Variants in ZNF70 observed in about 807,000 individuals in gnomAD.
ZNF70 encodes the protein zinc finger protein N27C7-1.
Under a neutral mutation model 37.7 loss-of-function variants are expected in ZNF70, and 18 were observed. The ratio of observed to expected loss-of-function variants is 0.48; its 90% CI spans 0.33 to 0.71. ZNF70 has a LOEUF of 0.71. Among genes scored for constraint, ZNF70 ranks in the 30% least tolerant of loss-of-function variants. The pLI is 0.02. For synonymous variants in ZNF70, 219 were observed against 220.1 expected, an observed-to-expected ratio of 0.99 and a Z score of 0.05; for missense variants, 506 against 568.6, an observed-to-expected ratio of 0.89 and a Z score of 1.12.
chr22:23,749,645 A>G (rs1266833818), intron 1 of ZNF70, among the ~76,000 whole-genome samples: 1 of 151,810 alleles, frequency 6.6e-6, no homozygotes, highest in African/African-American at 2.4e-5. Context: ...TGTTGTGCAG[A>G]CTGGTCTCGA....
At chr22:23,745,765 T>C (rs1284943525) in intron 1 of ZNF70, among the ~76,000 whole-genome samples, 4 of 152,048 alleles carry the variant, frequency 2.6e-5, no homozygotes, top group Admixed American at 2.6e-4. Flanking sequence ...AGCGAGACTC[T>C]ATCTCAAACA....
chr22:23,744,361 G>A lies in ZNF70; in HGVS notation c.780C>T (p.Ser260=), dbSNP rs2145896063. 6.2e-7 allele frequency: 1 copy of A among 1,614,190 alleles called. No homozygotes were observed. Among genetic ancestry groups the A allele is most frequent in the African/African-American group, 1.3e-5 (1 of 75,042 alleles). ...RPYQCKECGK[S]FNQSSGLSQH... ...GGCTCAGGCCTGAGCTCTGGTTGAA[G>A]GATTTCCCACATTCCTTACACTGAT... is the stretch of plus-strand genomic sequence containing the variant. Residue 260 remains serine, a synonymous_variant, in exon 2 of 2, where the codon TCC becomes TCT. Transcript: ENST00000341976.
rs1266738987 is a variant in ZNF70, at chr22:23,743,931, A to G, written c.1210T>C (p.Ser404Pro). 6.2e-7 allele frequency: 1 copy of G among 1,613,202 alleles called. No homozygotes were observed. The highest frequency in any genetic ancestry group is 1.3e-5 in the African/African-American group (1 of 74,888). The change falls in exon 2 of 2, where the codon TCA (serine) becomes CCA (proline). Residue 404 changes from serine to proline, a missense_variant. By Grantham distance (74) the Ser-to-Pro change is moderately conservative. Transcript: ENST00000341976. ...GTTTTATAGTGCTCAATGAGGGCTG[A>G]CCGGTGCCGGAAGGCTTTGCCACAC... is the stretch of plus-strand genomic sequence containing the variant. ...CECGKAFRHR[S>P]ALIEHYKTHT... is the part of the protein sequence containing the mutation.
rs1394711868 is a variant in ZNF70 at position 23,739,041 on chromosome 22, C to G, written c.*4759G>C. On this transcript the variant is annotated 3_prime_UTR_variant, in exon 2 of 2. Coordinates refer to ENST00000341976, the MANE Select transcript of ZNF70 (RefSeq NM_021916.4). ...GCCATGGACCCCCAGATTAAGAACTCTAAAGTAAATGAAAGTCAGAGAAAA... is the reference window on the plus strand; with the variant it reads ...GCCATGGACCCCCAGATTAAGAACTGTAAAGTAAATGAAAGTCAGAGAAAA... 6.6e-6 allele frequency: 1 copy of G among 151,554 alleles called. No individual in the cohort carries two copies. The highest frequency in any genetic ancestry group is 1.5e-5 in the Non-Finnish European group (1 of 67,948). The allele number at this position is 151,554 out of a possible 1,614,324, so 9.4% of individuals were successfully genotyped here.
Position 23,744,874 on chromosome 22 carries a change from C to T in ZNF70, c.267G>A (p.Glu89=). ...TCTGGAGGAAGGTTTGTCCGAAGAGCTCATCATCCTGGGGTCTGGTTCCTG... is the reference window on the plus strand; with the variant it reads ...TCTGGAGGAAGGTTTGTCCGAAGAGTTCATCATCCTGGGGTCTGGTTCCTG... ...IPPGTRPQDD[E]LFGQTFLQKS... Residue 89 remains glutamate, a synonymous_variant, in exon 2 of 2, where the codon GAG becomes GAA. Transcript: ENST00000341976. 1.2e-6 allele frequency: 2 copies of T among 1,614,220 alleles called. No individual in the cohort carries two copies. Among genetic ancestry groups the T allele is most frequent in the Non-Finnish European group, 1.7e-6 (2 of 1,180,040 alleles).
chr22:23,749,155 G>A (rs1448175236), intron 1 of ZNF70, among the ~76,000 whole-genome samples: 1 of 151,510 alleles, frequency 6.6e-6, no homozygotes, highest in African/African-American at 2.4e-5. Context: ...GAGGTCAGGA[G>A]TTCAAGACCA....
rs768782783 is a variant in ZNF70, at chr22:23,744,999, A to G, written c.142T>C (p.Tyr48His). 4.3e-6 allele frequency: 7 copies of G among 1,614,050 alleles called. No homozygotes were observed. Among genetic ancestry groups the G allele is most frequent in the Non-Finnish European group, 5.9e-6 (7 of 1,180,048 alleles). The change falls in exon 2 of 2, where the codon TAC becomes CAC. Residue 48 changes from tyrosine (Y) to histidine (H), a missense_variant. Tyr to His is a moderately conservative substitution (Grantham distance 83). Transcript: ENST00000341976. ...TGCTCACCAAGAGGGATCTCCTTGT[A>G]GATCACAGCCATTTGCTCCAAACCT... ...ERGLEQMAVI[Y>H]KEIPLGEQDE...
At position 23,744,303 on chromosome 22, in the gene ZNF70, G is replaced by C; in HGVS notation, c.838C>G (p.His280Asp). The C allele has an allele frequency of 6.2e-7, 1 of 1,614,094 alleles. No individual in the cohort carries two copies. The highest frequency in any genetic ancestry group is 8.5e-7 in the Non-Finnish European group (1 of 1,180,004). The change falls in exon 2 of 2, where the codon CAC becomes GAC. Residue 280 changes from histidine (H) to aspartate (D), a missense_variant. Transcript: ENST00000341976. ...HRKIHTLKKP[H>D]ECDLCGKAFC... ...GCTTTCCCACAGAGATCGCACTCGT[G>C]AGGTTTCTTTAGGGTGTGGATCTTC...
At chr22:23,746,145 C>G (rs1394068689) in intron 1 of ZNF70, among the ~76,000 whole-genome samples, 1 of 152,026 alleles carries the variant, frequency 6.6e-6, no homozygotes, top group Non-Finnish European at 1.5e-5. Context: ...TGGTGCATGC[C>G]CTACACTAAC....
Position 23,738,904 on chromosome 22 carries a change from A to T in ZNF70, c.*4896T>A, listed in dbSNP as rs147186975. 6.6e-6 allele frequency: 1 copy of T among 152,224 alleles called. No individual in the cohort carries two copies. The highest frequency in any genetic ancestry group is 2.4e-5 in the African/African-American group (1 of 41,524). The allele number at this position is 152,224 out of a possible 1,614,324, so 9.4% of individuals were successfully genotyped here. A position where few individuals can be genotyped will look rare whatever the true frequency, so the allele number is the denominator to read the frequency against. Reference sequence around the variant, plus strand: ...CACAGAGGCATTTAAAAATATAGTAAATACTACAGATCCTTGTCCCAGCAA... The same window carrying T: ...CACAGAGGCATTTAAAAATATAGTATATACTACAGATCCTTGTCCCAGCAA... On this transcript the variant is annotated 3_prime_UTR_variant, in exon 2 of 2. Coordinates refer to ENST00000341976, the MANE Select transcript of ZNF70 (RefSeq NM_021916.4).
At position 23,742,977 on chromosome 22, in the gene ZNF70, G is replaced by A. The variant is rs1485393102; in HGVS notation, c.*823C>T. On this transcript the variant is annotated 3_prime_UTR_variant, in exon 2 of 2. Coordinates refer to ENST00000341976, the MANE Select transcript of ZNF70 (RefSeq NM_021916.4). Reference sequence around the variant, plus strand: ...CATTGCCAGAACAGACCAGACCCAGGCCCTGCTGATGTCCAAGGCACACTG... The same window carrying A: ...CATTGCCAGAACAGACCAGACCCAGACCCTGCTGATGTCCAAGGCACACTG... 1 of 152,430 alleles carries A rather than the reference G, an allele frequency of 6.6e-6. No homozygotes were observed. Among genetic ancestry groups the A allele is most frequent in the Non-Finnish European group, 1.5e-5 (1 of 68,198 alleles). 9.4% of individuals were successfully genotyped at this position (152,430 alleles called of 1,614,324 possible). A position where few individuals can be genotyped will look rare whatever the true frequency, so the allele number is the denominator to read the frequency against.
chr22:23,748,891 A>G (rs2145901253), intron 1 of ZNF70, among the ~76,000 whole-genome samples: 1 of 148,378 alleles, frequency 6.7e-6, no homozygotes, highest in African/African-American at 2.5e-5. Flanking sequence ...GACCGACTGG[A>G]TATAAAAAAA....
rs1049443775 is a variant in ZNF70 at position 23,743,659 on chromosome 22, G to A, written c.*141C>T. 5.2e-5 allele frequency: 64 copies of A among 1,233,120 alleles called. No homozygotes were observed. Among genetic ancestry groups the A allele is most frequent in the Admixed American group, 9.2e-5 (4 of 43,620 alleles). 76.4% of individuals were successfully genotyped at this position (1,233,120 alleles called of 1,614,324 possible). On this transcript the variant is annotated 3_prime_UTR_variant, in exon 2 of 2. Coordinates refer to ENST00000341976, the MANE Select transcript of ZNF70 (RefSeq NM_021916.4). ...GCCCAGGGCCACACAGGGCCTTCCT[G>A]CTAGTGGGATGTTCAAGAGCGCTTA...
Position 23,744,677 on chromosome 22 carries a change from A to G in ZNF70, c.464T>C (p.Leu155Pro), listed in dbSNP as rs753726843. ...AGTGTGGATCACCAGGTGTCGGAGC[A>G]GGTGCGAGCTCTGGCTGAAGGCCTT... ...CGKAFSQSSH[L>P]LRHLVIHTGE... Residue 155 changes from leucine (L) to proline (P), a missense_variant, in exon 2 of 2, where the codon CTG (leucine) becomes CCG (proline). By Grantham distance (98) the Leu-to-Pro change is moderately conservative (BLOSUM62 -3). Transcript: ENST00000341976. 24 of 1,613,128 alleles carry G rather than the reference A, an allele frequency of 1.5e-5. No individual in the cohort carries two copies. In the South Asian group the frequency reaches 2.6e-4, roughly 18 times the overall value.
rs746534150 is a variant in ZNF70, at chr22:23,743,782, TTG to T, written c.*16_*17del. 6.2e-7 allele frequency: 1 copy of T among 1,602,310 alleles called. No homozygotes were observed. Among genetic ancestry groups the T allele is most frequent in the Non-Finnish European group, 8.5e-7 (1 of 1,174,112 alleles). ...TCCATCTGGCACAGGCTTTCAAGCTTTGTGTGGGCTCCTCTTTCTATAGCTTC... is the reference window on the plus strand; with the variant it reads ...TCCATCTGGCACAGGCTTTCAAGCTTTGTGGGCTCCTCTTTCTATAGCTTC... On this transcript the variant is annotated 3_prime_UTR_variant, in exon 2 of 2. Coordinates refer to ENST00000341976, the MANE Select transcript of ZNF70 (RefSeq NM_021916.4).
In ZNF70 at chr22:23,744,867, C is replaced by T. The variant is rs556586664; in HGVS notation, c.274G>A (p.Gly92Arg). The T allele has an allele frequency of 1.2e-5, 19 of 1,613,984 alleles. No homozygotes were observed. The highest frequency in any genetic ancestry group is 1.5e-5 in the Non-Finnish European group (18 of 1,180,012). ...GTRPQDDELFGQTFLQKSDLS... is the reference protein window; with the variant it reads ...GTRPQDDELFRQTFLQKSDLS... Reference sequence around the variant, plus strand: ...TCGGATTTCTGGAGGAAGGTTTGTCCGAAGAGCTCATCATCCTGGGGTCTG... The same window carrying T: ...TCGGATTTCTGGAGGAAGGTTTGTCTGAAGAGCTCATCATCCTGGGGTCTG... Residue 92 changes from glycine (G) to arginine (R), a missense_variant, in exon 2 of 2, where the codon GGA becomes AGA. Transcript: ENST00000341976.
At chr22:23,746,357 C>A (rs978939732) in intron 1 of ZNF70, among the ~76,000 whole-genome samples, 1 of 151,920 alleles carries the variant, frequency 6.6e-6, no homozygotes, top group African/African-American at 2.4e-5. Flanking sequence ...CAAGCGCCCA[C>A]CACCATTCTT....
At position 23,744,372 on chromosome 22, in the gene ZNF70, A is replaced by G; in HGVS notation, c.769T>C (p.Cys257Arg). The change falls in exon 2 of 2, where the codon TGT becomes CGT. Residue 257 changes from cysteine (C) to arginine (R), a missense_variant. Cys to Arg is a radical substitution (Grantham distance 180). Transcript: ENST00000341976. ...GAGCTCTGGTTGAAGGATTTCCCAC[A>G]TTCCTTACACTGATAAGGTCTCTCT... is the stretch of plus-strand genomic sequence containing the variant. ...TGERPYQCKE[C>R]GKSFNQSSGL... 6.2e-7 allele frequency: 1 copy of G among 1,614,124 alleles called. No individual in the cohort carries two copies. The highest frequency in any genetic ancestry group is 8.5e-7 in the Non-Finnish European group (1 of 1,180,032).
chr22:23,746,526 A>G (rs1925129173), intron 1 of ZNF70, among the ~76,000 whole-genome samples: 2 of 151,584 alleles, frequency 1.3e-5, no homozygotes. Context: ...CCTTCTTAGG[A>G]TCTTGTGACA....
Sources: gnomAD v4.1 joint callset for allele counts (sites outside exome capture counted in the v4.1 genomes callset) on GRCh38, gnomAD v4.1.1 for gene constraint, MANE v1.5 for transcripts, NCBI Gene and HGNC (gene_info 2026-07-23, HGNC 2026-07-21) for gene names.